MAP7: variants seen among roughly 807,000 people sequenced by gnomAD.
The protein encoded by MAP7 is microtubule associated protein 7.
Under a neutral mutation model 94.8 loss-of-function variants are expected in MAP7, and 52 were observed. That is an observed-to-expected ratio of 0.55 (90% CI 0.44 to 0.69). MAP7 has a LOEUF of 0.69. Among genes scored for constraint, MAP7 ranks in the 30% least tolerant of loss-of-function variants. The pLI is 0.00. For synonymous variants in MAP7, 350 were observed against 357.0 expected (o/e 0.98, Z 0.22); for missense variants, 940 against 964.6 (o/e 0.97, Z 0.34).
At chr6:136,380,659 A>T (rs910060226) in intron 6 of MAP7, among the ~76,000 whole-genome samples, 3 of 152,258 alleles carry the variant, frequency 2.0e-5, no homozygotes, top group African/African-American at 4.8e-5. Flanking sequence ...TATACTTTTA[A>T]TGTAAAAATT....
intron 3 of MAP7, among the ~76,000 whole-genome samples, chr6:136,393,887 T>C (rs774128196): frequency 2.0e-5 from 3 of 150,300 alleles, no homozygotes; most frequent in Non-Finnish European, 4.4e-5. Flanking sequence ...GAGATGCTCC[T>C]GTCTCAGCCC....
At chr6:136,502,094 AG>A (rs111612225) in intron 1 of MAP7, among the ~76,000 whole-genome samples, 51 of 152,352 alleles carry the variant, frequency 3.3e-4, no homozygotes, top group African/African-American at 1.2e-3. Flanking sequence ...TTTATGTAGC[AG>A]GGGTCCAATT....
intron 1 of MAP7, among the ~76,000 whole-genome samples, chr6:136,456,869 A>G (rs1472266163): frequency 6.8e-6 from 1 of 147,902 alleles, no homozygotes; most frequent in Non-Finnish European, 1.5e-5. Context: ...GAAGAAGAAG[A>G]AGAAATACTT....
chr6:136,457,099 T>C (rs990276949), intron 1 of MAP7, among the ~76,000 whole-genome samples: 2 of 141,030 alleles, frequency 1.4e-5, no homozygotes, highest in African/African-American at 5.2e-5. Context: ...AAATCAGAGA[T>C]GAAACAGGAG....
At chr6:136,463,499 T>C (rs980643705) in intron 1 of MAP7, among the ~76,000 whole-genome samples, 1 of 152,202 alleles carries the variant, frequency 6.6e-6, no homozygotes, top group Admixed American at 6.5e-5. Context: ...TTTTCCAAAA[T>C]GTTCTTTAGT....
At chr6:136,489,496 C>T (rs1181081742) in intron 1 of MAP7, among the ~76,000 whole-genome samples, 3 of 149,724 alleles carry the variant, frequency 2.0e-5, no homozygotes, top group Non-Finnish European at 3.0e-5. Context: ...AAATTCTTAC[C>T]TCATTACAAT....
chr6:136,372,992 A>G (rs1200945230), intron 7 of MAP7, among the ~76,000 whole-genome samples: 6 of 152,242 alleles, frequency 3.9e-5, no homozygotes, highest in Non-Finnish European at 8.8e-5. Flanking sequence ...AAAAAACTAC[A>G]TTAGTGATAA....
chr6:136,526,782 G>T, intron 1 of MAP7: 1 of 655,182 alleles, frequency 1.5e-6, no homozygotes, highest in Non-Finnish European at 1.9e-6. Flanking sequence ...AACAATGTTT[G>T]CAAGCCCCTG....
chr6:136,436,845 T>C (rs1195606702), intron 1 of MAP7, among the ~76,000 whole-genome samples: 2 of 152,224 alleles, frequency 1.3e-5, no homozygotes, highest in Non-Finnish European at 2.9e-5. Flanking sequence ...TTTCTATAGC[T>C]CACCAAATTG....
At chr6:136,526,064 C>T in intron 1 of MAP7, 1 of 1,438,416 alleles carries the variant, frequency 7.0e-7, no homozygotes, top group Non-Finnish European at 9.0e-7. Flanking sequence ...CCTAAGCTGC[C>T]TGTTCATTTG....
chr6:136,355,642 C>T (rs1411773461), intron 16 of MAP7, among the ~76,000 whole-genome samples: 2 of 152,108 alleles, frequency 1.3e-5, no homozygotes, highest in East Asian at 1.9e-4. Flanking sequence ...GGCCAAAAGC[C>T]GAGAAACAAT....
At chr6:136,388,217 CCTTA>C (rs1286950767) in intron 5 of MAP7, among the ~76,000 whole-genome samples, 172 bp downstream of exon 5, 2 of 151,720 alleles carry the variant, frequency 1.3e-5, no homozygotes, top group African/African-American at 4.8e-5. Context: ...GGAAAGAGGC[CCTTA>C]CTTCTTATCT....
intron 8 of MAP7, among the ~76,000 whole-genome samples, chr6:136,369,281 T>G (rs919629458): frequency 4.6e-5 from 7 of 152,106 alleles, no homozygotes; most frequent in Admixed American, 4.6e-4. Context: ...AAGACAGATA[T>G]AGATATATGG....
At chr6:136,396,891 A>G (rs1782640905) in intron 3 of MAP7, among the ~76,000 whole-genome samples, 1 of 152,224 alleles carries the variant, frequency 6.6e-6, no homozygotes, top group African/African-American at 2.4e-5. Flanking sequence ...CATAATCATT[A>G]TAATTTCAGT....
At chr6:136,547,649 A>G (rs1002185544) in intron 1 of MAP7, among the ~76,000 whole-genome samples, 1 of 152,168 alleles carries the variant, frequency 6.6e-6, no homozygotes, top group African/African-American at 2.4e-5. Context: ...TTCATCCTCA[A>G]GAAAAATAAA....
intron 7 of MAP7, among the ~76,000 whole-genome samples, chr6:136,376,453 GAA>G (rs1227937833): frequency 6.6e-6 from 1 of 152,206 alleles, no homozygotes; most frequent in East Asian, 1.9e-4. Context: ...ATGACTTGTA[GAA>G]AAGTGTGAAA....
chr6:136,423,675 CA>C (rs1792154371), intron 1 of MAP7, among the ~76,000 whole-genome samples: 1 of 147,148 alleles, frequency 6.8e-6, no homozygotes, highest in Non-Finnish European at 1.5e-5. Flanking sequence ...GGGGAGATGA[CA>C]GTTTTCTAAG....
chr6:136,435,879 T>C (rs545334697), intron 1 of MAP7, among the ~76,000 whole-genome samples: 3 of 152,324 alleles, frequency 2.0e-5, no homozygotes, highest in African/African-American at 7.2e-5. Flanking sequence ...ACAAATTGGG[T>C]GAATAACTAT....
chr6:136,386,526 C>T (rs888796085), intron 5 of MAP7, among the ~76,000 whole-genome samples: 1 of 152,112 alleles, frequency 6.6e-6, no homozygotes, highest in African/African-American at 2.4e-5. Flanking sequence ...GATGATCTAA[C>T]AGTGTATATC....
Sources: allele counts gnomAD v4.1 joint callset (sites outside exome capture counted in the v4.1 genomes callset), GRCh38; gene constraint gnomAD v4.1.1; transcripts MANE v1.5; gene names NCBI Gene and HGNC (gene_info 2026-07-23, HGNC 2026-07-21).